SNX10: variants seen among roughly 807,000 people sequenced by gnomAD.
SNX10 encodes sorting nexin-10.
In SNX10, 25 loss-of-function variants were observed where a neutral mutation model predicts 28.5. That is an observed-to-expected ratio of 0.88 (90% CI 0.64 to 1.22). The LOEUF is 1.22. Among genes scored for constraint, SNX10 ranks in the 50% most tolerant of loss-of-function variants. The pLI, the probability that SNX10 is intolerant of heterozygous loss-of-function variation, is 0.00. For missense variants in SNX10, 223 were observed against 242.6 expected, an observed-to-expected ratio of 0.92 and a Z score of 0.54; for synonymous variants, 62 against 81.4, an observed-to-expected ratio of 0.76 and a Z score of 1.28.
intron 1 of SNX10, among the ~76,000 whole-genome samples, chr7:26,300,595 A>G (rs552065451): frequency 1.3e-5 from 2 of 152,246 alleles, no homozygotes; most frequent in East Asian, 3.9e-4. Flanking sequence ...GAGTGTTCCC[A>G]GTTGCCTTTT....
intron 1 of SNX10, among the ~76,000 whole-genome samples, chr7:26,334,566 A>AT (rs1346302239): frequency 6.6e-6 from 1 of 151,858 alleles, no homozygotes; most frequent in Non-Finnish European, 1.5e-5. Context: ...AAATTCTGTA[A>AT]TTTTTTTTGT....
chr7:26,313,036 C>A (rs1327772677), intron 1 of SNX10, among the ~76,000 whole-genome samples: 1 of 152,188 alleles, frequency 6.6e-6, no homozygotes, highest in Non-Finnish European at 1.5e-5. Flanking sequence ...ATTCCACTTA[C>A]AGAAATTTAC....
At chr7:26,312,536 A>G (rs1786888539) in intron 1 of SNX10, among the ~76,000 whole-genome samples, 2 of 152,220 alleles carry the variant, frequency 1.3e-5, no homozygotes, top group Admixed American at 1.3e-4. Context: ...CTGTAATCCC[A>G]GCACTTTGGG....
chr7:26,313,115 A>G (rs1786917010), intron 1 of SNX10, among the ~76,000 whole-genome samples: 1 of 152,198 alleles, frequency 6.6e-6, no homozygotes, highest in Admixed American at 6.5e-5. Context: ...TGCTGGTGAA[A>G]TGAAGTGTGT....
intron 1 of SNX10, among the ~76,000 whole-genome samples, chr7:26,331,252 A>T (rs766965776): frequency 3.7e-4 from 56 of 152,248 alleles, no homozygotes; most frequent in Admixed American, 1.3e-3. Context: ...AAACAGCTTT[A>T]TTGATACATG....
At chr7:26,341,470 T>C (rs919380004) in intron 1 of SNX10, among the ~76,000 whole-genome samples, 1 of 150,370 alleles carries the variant, frequency 6.7e-6, no homozygotes, top group Non-Finnish European at 1.5e-5. Context: ...CATAACAGTC[T>C]TTCAGTGAGA....
chr7:26,299,631 G>A (rs1003851203), intron 1 of SNX10, among the ~76,000 whole-genome samples: 5 of 151,118 alleles, frequency 3.3e-5, no homozygotes, highest in East Asian at 2.0e-4. Context: ...GGGTTTCACC[G>A]TGTTGGCTGG....
In SNX10 at chr7:26,372,782, C is replaced by G; in HGVS notation, c.*210C>G. On this transcript the variant is annotated 3_prime_UTR_variant, in exon 7 of 7. Transcript: ENST00000338523. ...TGTAAAGCTAAAAATCCTGTGAATA[C>G]AATACTATCCTTTACAGGCAGACAT... 1 of 442,422 alleles carries G rather than the reference C, an allele frequency of 2.3e-6. No homozygotes were observed. The highest frequency in any genetic ancestry group is 4.0e-6 in the Non-Finnish European group (1 of 248,300). The allele number at this position is 442,422 out of a possible 1,614,324, so 27.4% of individuals were successfully genotyped here. A position where few individuals can be genotyped will look rare whatever the true frequency, so the allele number is the denominator to read the frequency against.
intron 2 of SNX10, among the ~76,000 whole-genome samples, chr7:26,355,003 G>A (rs1201300604): frequency 6.6e-6 from 1 of 151,670 alleles, no homozygotes; most frequent in Non-Finnish European, 1.5e-5. Flanking sequence ...GGTTGGTGTT[G>A]ATTTTTGTAT....
At chr7:26,315,003 A>AACAAAAC (rs988096553) in intron 1 of SNX10, among the ~76,000 whole-genome samples, 1 of 151,820 alleles carries the variant, frequency 6.6e-6, no homozygotes, top group African/African-American at 2.4e-5. Context: ...CTCAAAACAA[A>AACAAAAC]ACAAAAAAAC....
intron 5 of SNX10, among the ~76,000 whole-genome samples, chr7:26,366,997 C>T (rs1289301782): frequency 2.6e-5 from 4 of 152,178 alleles, no homozygotes; most frequent in Non-Finnish European, 4.4e-5. Flanking sequence ...CTCAAGGAGC[C>T]GGGTTCTAGG....
intron 1 of SNX10, among the ~76,000 whole-genome samples, chr7:26,335,735 C>CTTTTTTTTTT (rs57340085): frequency 9.5e-5 from 8 of 84,252 alleles, no homozygotes; most frequent in East Asian, 3.6e-4. Context: ...ATGGAATATT[C>CTTTTTTTTTT]TTTTTTTTTT....
chr7:26,335,958 C>G (rs1297699201), intron 1 of SNX10, among the ~76,000 whole-genome samples: 1 of 151,630 alleles, frequency 6.6e-6, no homozygotes, highest in Non-Finnish European at 1.5e-5. Context: ...GTCTCGATCT[C>G]CTGACCTCGT....
intron 1 of SNX10, among the ~76,000 whole-genome samples, chr7:26,326,369 A>T (rs566701472): frequency 6.6e-6 from 1 of 152,156 alleles, no homozygotes; most frequent in Non-Finnish European, 1.5e-5. Flanking sequence ...GTCTGAGTCT[A>T]TCATTTCTCT....
intron 1 of SNX10, among the ~76,000 whole-genome samples, chr7:26,309,730 G>C (rs1786746480): frequency 6.6e-6 from 1 of 152,104 alleles, no homozygotes; most frequent in South Asian, 2.1e-4. Flanking sequence ...TATTTCTAAG[G>C]GGGATGCTTG....
At chr7:26,293,985 T>C (rs1786019373) in intron 1 of SNX10, among the ~76,000 whole-genome samples, 1 of 152,228 alleles carries the variant, frequency 6.6e-6, no homozygotes, top group African/African-American at 2.4e-5. Context: ...TAAGGCTTCA[T>C]TTTGCTCGTT....
chr7:26,294,061 T>G (rs1334447019), intron 1 of SNX10, among the ~76,000 whole-genome samples: 2 of 152,204 alleles, frequency 1.3e-5, no homozygotes, highest in Non-Finnish European at 2.9e-5. Flanking sequence ...TCACAACCAC[T>G]TGGTGAAAGG....
At chr7:26,310,775 GGGGTTCACGCCATTCTCCTGTCTCA>G (rs1225687891) in intron 1 of SNX10, among the ~76,000 whole-genome samples, 3 of 151,606 alleles carry the variant, frequency 2.0e-5, no homozygotes, top group African/African-American at 7.3e-5. Flanking sequence ...TCCGCCTCCT[GGGGTTCACGCCATTCTCCTGTCTCA>G]GCCTCCCGAG....
At chr7:26,319,011 C>T (rs1787207294) in intron 1 of SNX10, among the ~76,000 whole-genome samples, 1 of 152,168 alleles carries the variant, frequency 6.6e-6, no homozygotes, top group Admixed American at 6.5e-5. Context: ...TGACTCCAAA[C>T]CTGAACTCTA....
Sources: allele counts gnomAD v4.1 joint callset (sites outside exome capture counted in the v4.1 genomes callset), GRCh38; gene constraint gnomAD v4.1.1; transcripts MANE v1.5; gene names NCBI Gene and HGNC (gene_info 2026-07-23, HGNC 2026-07-21).